XPNPEP2: variants seen among roughly 807,000 people sequenced by gnomAD.
XPNPEP2 encodes the protein xaa-Pro aminopeptidase 2.
Under a neutral mutation model 59.8 loss-of-function variants are expected in XPNPEP2, and 64 were observed. The ratio of observed to expected loss-of-function variants is 1.07; its 90% CI spans 0.87 to 1.32. The LOEUF is 1.32. Ranked by LOEUF, XPNPEP2 falls within the 40% of genes most tolerant of loss-of-function variation. The probability of loss-of-function intolerance (pLI) is 0.00; values close to 1 mark genes in which losing one functional copy is unlikely to be tolerated. For synonymous variants in XPNPEP2, 235 were observed against 210.0 expected (o/e 1.12, Z -1.03); for missense variants, 575 against 546.8 (o/e 1.05, Z -0.51).
At chrX:129,765,439 G>A (rs1455235830) in intron 19 of XPNPEP2, among the ~76,000 whole-genome samples, 1 of 110,996 alleles carries the variant, frequency 9.0e-6, no homozygotes, top group Non-Finnish European at 1.9e-5. Context: ...TAGGTAATTT[G>A]ATAGATATTG....
Position 129,769,175 on chromosome X carries a change from G to A in XPNPEP2, c.*690G>A, listed in dbSNP as rs1338026695. ...TTCCCTGGCATTCGAGGAGCCCTTT[G>A]AACTTTCCAAAGTGCAGCCACAGCT... On this transcript the variant is annotated 3_prime_UTR_variant, in exon 21 of 21. Coordinates refer to ENST00000371106, the MANE Select transcript of XPNPEP2 (RefSeq NM_003399.6). 2.7e-5 allele frequency: 3 copies of A among 112,584 alleles called. No individual in the cohort carries two copies. Among genetic ancestry groups the A allele is most frequent in the African/African-American group, 9.7e-5 (3 of 30,966 alleles). The allele number at this position is 112,584 out of a possible 1,213,427, so 9.3% of individuals were successfully genotyped here.
rs777882575 is a variant in XPNPEP2, at chrX:129,739,220, C to T, written c.7C>T (p.Arg3Trp). The T allele has an allele frequency of 4.1e-5, 49 of 1,207,713 alleles. No individual in the cohort carries two copies. The highest frequency in any genetic ancestry group is 1.5e-4 in the East Asian group (5 of 33,724). Residue 3 changes from arginine to tryptophan, a missense_variant, in exon 1 of 21, where the codon CGG (arginine) becomes TGG (tryptophan). By Grantham distance (101) the Arg-to-Trp change is moderately radical. Coordinates refer to ENST00000371106, the MANE Select transcript of XPNPEP2 (RefSeq NM_003399.6). MARAHWGCCPWLV... is the reference protein window; with the variant it reads MAWAHWGCCPWLV... ...GCCGGCATCTGGAGACCCTATGGCC[C>T]GGGCTCACTGGGGCTGCTGCCCCTG...
At chrX:129,764,971 A>G (rs1432342521) in intron 19 of XPNPEP2, among the ~76,000 whole-genome samples, 1 of 112,089 alleles carries the variant, frequency 8.9e-6, no homozygotes, top group Admixed American at 9.5e-5. Context: ...CTCTAAAAAA[A>G]GAAGAAGGAA....
At chrX:129,754,429 G>A in intron 11 of XPNPEP2, 43 bp from the exon 12 acceptor site, 1 of 1,119,386 alleles carries the variant, frequency 8.9e-7, no homozygotes, top group Non-Finnish European at 1.2e-6. Flanking sequence ...GCTGCAACCA[G>A]ACCTCACCCG....
rs763994333 is a variant in XPNPEP2 at position 129,755,378 on chromosome X, G to A, written c.1295+7G>A. On this transcript the variant is annotated splice_region_variant and intron_variant, in intron 13 of 20. Transcript: ENST00000371106. Reference sequence around the variant, plus strand: ...CTGCCCTGGCCCACTACAGGTACTTGAGGAAAAAGAATTTTCTAGGGCCCT... The same window carrying A: ...CTGCCCTGGCCCACTACAGGTACTTAAGGAAAAAGAATTTTCTAGGGCCCT... 12 of 1,208,361 alleles carry A rather than the reference G, an allele frequency of 9.9e-6. No individual in the cohort carries two copies. Among genetic ancestry groups the A allele is most frequent in the Non-Finnish European group, 1.3e-5 (12 of 892,782 alleles).
chrX:129,765,797 C>G (rs919023754), intron 19 of XPNPEP2, among the ~76,000 whole-genome samples: 3 of 110,139 alleles, frequency 2.7e-5, no homozygotes, highest in African/African-American at 9.9e-5. Context: ...ACCACCACGA[C>G]TGGCTAATTT....
rs377452190 is a variant in XPNPEP2 at position 129,760,451 on chromosome X, G to A, written c.1429-61G>A. The A allele has an allele frequency of 1.1e-5, 12 of 1,137,174 alleles. No homozygotes were observed. The East Asian group carries it at 1.2e-4, about 11-fold the overall frequency. 93.7% of individuals were successfully genotyped at this position (1,137,174 alleles called of 1,213,427 possible). Reference sequence around the variant, plus strand: ...GCACCGTGTATCCATAGGCCAAGCAGCTGGATACTCCTCTGGCTCCTCCTC... The same window carrying A: ...GCACCGTGTATCCATAGGCCAAGCAACTGGATACTCCTCTGGCTCCTCCTC... On this transcript the variant is annotated intron_variant, in intron 15 of 20. Transcript: ENST00000371106.
rs1038916838 is a variant in XPNPEP2, at chrX:129,752,008, T to C, written c.822-142T>C. 4.1e-5 allele frequency: 34 copies of C among 825,697 alleles called. No homozygotes were observed. In the African/African-American group the frequency reaches 6.8e-4, roughly 17 times the overall value. The allele number at this position is 825,697 out of a possible 1,213,427, so 68.0% of individuals were successfully genotyped here. On this transcript the variant is annotated intron_variant, in intron 9 of 20. Coordinates refer to ENST00000371106, the MANE Select transcript of XPNPEP2 (RefSeq NM_003399.6). ...TCCTGACTCTTTAAACCTCTGTCCC[T>C]ATTGAATCCCAAATCTGGCCTGCTT...
Position 129,746,680 on chromosome X carries a change from TG to T in XPNPEP2, c.490+1del. ...GTTTTGACCCCTTCCTCTTGTCCATTGGTATGCTCTTCCTTCAGTCCCTGAA... is the reference window on the plus strand; with the variant it reads ...GTTTTGACCCCTTCCTCTTGTCCATTGTATGCTCTTCCTTCAGTCCCTGAA... Reference protein sequence around the residue: ...VGFDPFLLSIDTWESYDLALQ... With the variant: ...VGFDPFLLSIXTWESYDLALQ... On this transcript the variant is annotated frameshift_variant and splice_region_variant, in exon 6 of 21. Transcript: ENST00000371106. LOFTEE classifies it high-confidence loss of function. 8.3e-7 allele frequency: 1 copy of T among 1,205,606 alleles called. No homozygotes were observed. The highest frequency in any genetic ancestry group is 1.1e-6 in the Non-Finnish European group (1 of 890,624).
In XPNPEP2 at chrX:129,747,647, C is replaced by T. The variant is rs764431025; in HGVS notation, c.531C>T (p.Asn177=). ...ESYDLALQGS[N]RQLVSITTNL... ...ATGATCTGGCCCTCCAAGGCTCTAA[C>T]AGACAGCTGGTGTCCATCACAACCA... Residue 177 remains asparagine (N), a synonymous_variant, in exon 7 of 21, where the codon AAC becomes AAT. Transcript: ENST00000371106. 8.3e-7 allele frequency: 1 copy of T among 1,212,085 alleles called. No individual in the cohort carries two copies. The highest frequency in any genetic ancestry group is 1.8e-5 in the South Asian group (1 of 57,035).
In XPNPEP2 at chrX:129,768,357, C is replaced by G; in HGVS notation, c.1897C>G (p.Gln633Glu). The change falls in exon 21 of 21, where the codon CAG becomes GAG. Residue 633 changes from glutamine (Q) to glutamate (E), a missense_variant. Transcript: ENST00000371106. ...GGTGGGTCCAGAGCTGCAGAGGCGC[C>G]AGCTACTAGAGGAGTTCGAGTGGCT... Reference protein sequence around the residue: ...EKVGPELQRRQLLEEFEWLQQ... With the variant: ...EKVGPELQRRELLEEFEWLQQ... The G allele has an allele frequency of 8.3e-7, 1 of 1,208,988 alleles. No homozygotes were observed. The highest frequency in any genetic ancestry group is 1.1e-6 in the Non-Finnish European group (1 of 894,311).
Position 129,745,650 on chromosome X carries a change from G to C in XPNPEP2, c.298+384G>C, listed in dbSNP as rs193283573. Reference sequence around the variant, plus strand: ...GAGACAAAGTTTTCCTTTGCCGGTTGTTTTACGGACAACATCACTTCACAT... The same window carrying C: ...GAGACAAAGTTTTCCTTTGCCGGTTCTTTTACGGACAACATCACTTCACAT... On this transcript the variant is annotated intron_variant, in intron 4 of 20. Transcript: ENST00000371106. 4.8e-4 allele frequency among the ~76,000 whole-genome samples: 54 copies of C among 111,766 alleles called. 1 individual carries two copies. The highest frequency in any genetic ancestry group is 1.7e-3 in the African/African-American group (53 of 30,721).
At chrX:129,751,333 C>T (rs748389721) in intron 8 of XPNPEP2, among the ~76,000 whole-genome samples, 23 of 108,226 alleles carry the variant, frequency 2.1e-4, no homozygotes, top group African/African-American at 7.1e-4. Flanking sequence ...CATGTTGAAA[C>T]GCCGTCTCTA....
At chrX:129,744,129 A>G (rs1926250612) in intron 3 of XPNPEP2, 58 bp downstream of exon 3, 3 of 1,031,114 alleles carry the variant, frequency 2.9e-6, no homozygotes, top group African/African-American at 3.7e-5. Flanking sequence ...AGAGACCACA[A>G]ACAGGAGCTG....
chrX:129,750,641 G>A, intron 8 of XPNPEP2, 72 bp downstream of exon 8: 1 of 891,185 alleles, frequency 1.1e-6, no homozygotes, highest in Non-Finnish European at 1.6e-6. Flanking sequence ...GGGCCCTGCA[G>A]CACAGAGCTA....
rs745640862 is a variant in XPNPEP2, at chrX:129,765,316, C to T, written c.1741-2287C>T. On this transcript the variant is annotated intron_variant, in intron 19 of 20. Coordinates refer to ENST00000371106, the MANE Select transcript of XPNPEP2 (RefSeq NM_003399.6). ...TGTTTCCAAATTTTTACTATATTTG[C>T]CATCAATGCTACAAATCACTGTATA... Among the ~76,000 whole-genome samples the T allele has an allele frequency of 3.6e-5, 4 of 111,948 alleles. No homozygotes were observed. The East Asian group carries it at 1.1e-3, about 31-fold the overall frequency.
chrX:129,746,132 C>A (rs76496169), intron 4 of XPNPEP2, 104 bp from the exon 5 acceptor site: 1 of 625,970 alleles, frequency 1.6e-6, no homozygotes, highest in Non-Finnish European at 2.5e-6. Flanking sequence ...TTTCCAGAGG[C>A]CCCTTGTGGC....
Position 129,754,556 on chromosome X carries a change from G to C in XPNPEP2, c.1192G>C (p.Ala398Pro), listed in dbSNP as rs146840263. 17 of 1,187,947 alleles carry C rather than the reference G, an allele frequency of 1.4e-5. No individual in the cohort carries two copies. The highest frequency in any genetic ancestry group is 1.7e-5 in the Non-Finnish European group (15 of 884,545). Residue 398 changes from alanine to proline, a missense_variant, in exon 12 of 21, where the codon GCA becomes CCA. Ala to Pro is a conservative substitution (Grantham distance 27, BLOSUM62 -1). Coordinates refer to ENST00000371106, the MANE Select transcript of XPNPEP2 (RefSeq NM_003399.6). ...AGGCACAGTGGATGAGTTCTCGGGG[G>C]CAGAGATCGTGGACAAGTTCCGAGG... ...PKGTVDEFSG[A>P]EIVDKFRGEE... is the part of the protein sequence containing the mutation.
At chrX:129,761,679 C>G in intron 17 of XPNPEP2, among the ~76,000 whole-genome samples, 1 of 112,051 alleles carries the variant, frequency 8.9e-6, no homozygotes, top group Non-Finnish European at 1.9e-5. Context: ...TTTTAAGTAT[C>G]CAGGTATGGT....
Sources: allele counts gnomAD v4.1 joint callset (sites outside exome capture counted in the v4.1 genomes callset), GRCh38; gene constraint gnomAD v4.1.1; transcripts MANE v1.5; gene names NCBI Gene and HGNC (gene_info 2026-07-23, HGNC 2026-07-21).